ITGB4: variants seen among roughly 807,000 people sequenced by gnomAD.
ITGB4 encodes integrin subunit beta 4, also known as integrin beta-4.
Under a neutral mutation model 207.6 loss-of-function variants are expected in ITGB4, and 159 were observed. The ratio of observed to expected loss-of-function variants is 0.77; its 90% CI spans 0.67 to 0.87. The LOEUF (loss-of-function observed/expected upper bound fraction) is 0.87, where lower values mean the gene tolerates loss of function less well. ITGB4 is among the 40% of genes least tolerant of loss of function. The probability of loss-of-function intolerance (pLI) is 0.00; values close to 1 mark genes in which losing one functional copy is unlikely to be tolerated. For synonymous variants in ITGB4, 1,020 were observed against 1,062.7 expected (o/e 0.96, Z 0.78); for missense variants, 2,278 against 2,546.8 (o/e 0.89, Z 2.27).
At chr17:75,736,214 A>C in intron 14 of ITGB4, 60 bp downstream of exon 14, 1 of 1,594,576 alleles carries the variant, frequency 6.3e-7, no homozygotes, top group South Asian at 1.1e-5. Flanking sequence ...TCCAGAGAGA[A>C]CCCTATGGAG....
chr17:75,724,023 G>T (rs964375875), intron 1 of ITGB4, among the ~76,000 whole-genome samples: 1 of 152,206 alleles, frequency 6.6e-6, no homozygotes, highest in Non-Finnish European at 1.5e-5. Flanking sequence ...TCTCACTCTG[G>T]GCTAACTTGT....
Position 75,742,501 on chromosome 17 carries a change from G to A in ITGB4, c.2782+12G>A, listed in dbSNP as rs371412530. The A allele has an allele frequency of 1.2e-6, 2 of 1,612,916 alleles. No homozygotes were observed. The highest frequency in any genetic ancestry group is 2.7e-5 in the African/African-American group (2 of 74,922). On this transcript the variant is annotated intron_variant, in intron 24 of 39. Transcript: ENST00000200181. The surrounding 1 kb of genome is among the most constrained non-coding windows in gnomAD (Gnocchi z 5.9). Reference sequence around the variant, plus strand: ...CACTGCAGACCAGGGTAGGAGGGCGGGTCCGCTGTGCCACTGCCTCGCACC... The same window carrying A: ...CACTGCAGACCAGGGTAGGAGGGCGAGTCCGCTGTGCCACTGCCTCGCACC...
At position 75,749,039 on chromosome 17, in the gene ITGB4, G is replaced by T. The variant is rs1406738560; in HGVS notation, c.3310G>T (p.Asp1104Tyr). The T allele has an allele frequency of 6.2e-7, 1 of 1,610,318 alleles. No homozygotes were observed. The highest frequency in any genetic ancestry group is 8.5e-7 in the Non-Finnish European group (1 of 1,179,832). The stretch of plus-strand genomic sequence containing the variant: ...CCACTCCACCACCATCATCATCAGG[G>T]ACCCAGGTAGGCAGAGCCTGGGGGT... ...QPHSTTIIIR[D>Y]PDELDRSFTS... The change falls in exon 27 of 40, where the codon GAC becomes TAC. Residue 1104 changes from aspartate to tyrosine, a missense_variant. Transcript: ENST00000200181.
rs767956817 is a variant in ITGB4 at position 75,750,239 on chromosome 17, C to A, written c.3445C>A (p.Pro1149Thr). 5 of 1,613,274 alleles carry A rather than the reference C, an allele frequency of 3.1e-6. No homozygotes were observed. The highest frequency in any genetic ancestry group is 4.2e-6 in the Non-Finnish European group (5 of 1,179,856). Residue 1149 changes from proline (P) to threonine (T), a missense_variant, in exon 28 of 40, where the codon CCC becomes ACC. By Grantham distance (38) the Pro-to-Thr change is conservative. Transcript: ENST00000200181. The surrounding 1 kb of genome is among the most constrained non-coding windows in gnomAD (Gnocchi z 5.5). ...GSRKIHFNWLPPSGKPMGYRV... is the reference protein window; with the variant it reads ...GSRKIHFNWLTPSGKPMGYRV... ...CAGGAAGATCCATTTCAACTGGCTGCCCCCTTCTGGCAAGCCAATGGGGTA... is the reference window on the plus strand; with the variant it reads ...CAGGAAGATCCATTTCAACTGGCTGACCCCTTCTGGCAAGCCAATGGGGTA...
In ITGB4 at chr17:75,733,608, T is replaced by A; in HGVS notation, c.1573T>A (p.Cys525Ser). The change falls in exon 13 of 40, where the codon TGC becomes AGC. Residue 525 changes from cysteine to serine, a missense_variant. Physicochemically the swap from Cys to Ser is moderately radical, Grantham distance 112. Coordinates refer to ENST00000200181, the MANE Select transcript of ITGB4 (RefSeq NM_000213.5). ...GGAGTGCCAGTGCGGGCACTGTGTG[T>A]GCTACGGCGAAGGCCGCTACGAGGG... ...RGECQCGHCV[C>S]YGEGRYEGQF... The A allele has an allele frequency of 3.1e-6, 5 of 1,614,154 alleles. No individual in the cohort carries two copies. The highest frequency in any genetic ancestry group is 3.4e-6 in the Non-Finnish European group (4 of 1,180,030).
rs1568356578 is a variant in ITGB4, at chr17:75,736,132, C to T, written c.1739C>T (p.Ala580Val). The change falls in exon 14 of 40, where the codon GCC becomes GTC. Residue 580 changes from alanine (A) to valine (V), a missense_variant. Transcript: ENST00000200181. ...GPSCDCPLSN[A>V]TCIDSNGGIC... is the part of the protein sequence containing the mutation. ...AGCTGTGACTGTCCCCTCAGCAATG[C>T]CACCTGCATCGACAGCAATGGGGTA... The T allele has an allele frequency of 1.2e-6, 2 of 1,614,152 alleles. No individual in the cohort carries two copies. Among genetic ancestry groups the T allele is most frequent in the South Asian group, 1.1e-5 (1 of 91,086 alleles).
Position 75,751,102 on chromosome 17 carries a change from G to T in ITGB4, c.3784G>T (p.Asp1262Tyr). The change falls in exon 30 of 40, where the codon GAT becomes TAT. Residue 1262 changes from aspartate (D) to tyrosine (Y), a missense_variant. Asp to Tyr is a radical substitution (Grantham distance 160, BLOSUM62 -3). Coordinates refer to ENST00000200181, the MANE Select transcript of ITGB4 (RefSeq NM_000213.5). The part of the protein sequence containing the change: ...AYEVCYGLVN[D>Y]DNRPIGPMKK... ...CGAGGTCTGCTATGGCCTGGTCAAC[G>T]ATGACAACCGTAAGAACCAGATCCT... The T allele has an allele frequency of 6.2e-7, 1 of 1,613,528 alleles. No homozygotes were observed. The highest frequency in any genetic ancestry group is 1.1e-5 in the South Asian group (1 of 91,084).
intron 27 of ITGB4, among the ~76,000 whole-genome samples, chr17:75,749,333 G>C (rs1007383899): frequency 2.6e-5 from 4 of 152,002 alleles, no homozygotes; most frequent in Non-Finnish European, 4.4e-5. Flanking sequence ...TTCTAGACCA[G>C]CCTGGGCAAC....
chr17:75,737,615 C>T lies in ITGB4; in HGVS notation c.2191C>T (p.Leu731=), dbSNP rs2061011071. The part of the protein sequence containing the change: ...LLPLLALLLL[L]CWKYCACCKA... The stretch of plus-strand genomic sequence containing the variant: ...GCCGCTCCTGGCCCTGCTACTGCTG[C>T]TATGCTGGAAGTACTGTGCCTGCTG... The change falls in exon 18 of 40, where the codon CTA becomes TTA. Residue 731 remains leucine (L), a synonymous_variant. Transcript: ENST00000200181. 1.2e-6 allele frequency: 2 copies of T among 1,613,258 alleles called. No homozygotes were observed. Among genetic ancestry groups the T allele is most frequent in the South Asian group, 1.1e-5 (1 of 91,034 alleles).
chr17:75,737,447 G>A lies in ITGB4; in HGVS notation c.2113+3G>A, dbSNP rs1442792899. ...TGTCCTGGTGCACAAGAAGAAGGGT[G>A]AGCTGGTGGGGCCGGGCGCAGGGAG... On this transcript the variant is annotated splice_donor_region_variant and intron_variant, in intron 17 of 39. Transcript: ENST00000200181. The A allele has an allele frequency of 6.4e-7, 1 of 1,554,112 alleles. No homozygotes were observed. The highest frequency in any genetic ancestry group is 1.2e-5 in the South Asian group (1 of 84,300).
chr17:75,728,065 G>A (rs531675859), intron 5 of ITGB4, among the ~76,000 whole-genome samples: 6 of 152,292 alleles, frequency 3.9e-5, no homozygotes, highest in African/African-American at 1.4e-4. Flanking sequence ...CAGGGCAGGC[G>A]GGCAGTGGAG....
rs750407691 is a variant in ITGB4 at position 75,731,848 on chromosome 17, G to C, written c.1252G>C (p.Val418Leu). 1 of 1,611,864 alleles carries C rather than the reference G, an allele frequency of 6.2e-7. No individual in the cohort carries two copies. The highest frequency in any genetic ancestry group is 1.1e-5 in the South Asian group (1 of 90,646). ...GGTGCAGCTGCGGGCCCTTGAGCAC[G>C]TGGATGGGACGCACGTGTGCCAGCT... ...YQVQLRALEH[V>L]DGTHVCQLPE... The change falls in exon 11 of 40, where the codon GTG becomes CTG. Residue 418 changes from valine to leucine, a missense_variant. Val to Leu is a conservative substitution (Grantham distance 32). Coordinates refer to ENST00000200181, the MANE Select transcript of ITGB4 (RefSeq NM_000213.5). The surrounding 1 kb of genome is among the most constrained non-coding windows in gnomAD (Gnocchi z 6.8).
rs200842872 is a variant in ITGB4, at chr17:75,736,003, A to G, written c.1658-48A>G. On this transcript the variant is annotated intron_variant, in intron 13 of 39. Coordinates refer to ENST00000200181, the MANE Select transcript of ITGB4 (RefSeq NM_000213.5). ...CCCTGCCAGGTGGGCAGCCTGGACT[A>G]CAGGCACAGATGTAGCTCTCATCTC... 45 of 1,575,282 alleles carry G rather than the reference A, an allele frequency of 2.9e-5. No homozygotes were observed. In the Admixed American group the frequency reaches 5.7e-4, roughly 20 times the overall value.
chr17:75,725,918 T>C (rs548183593), intron 2 of ITGB4, among the ~76,000 whole-genome samples: 1 of 152,310 alleles, frequency 6.6e-6, no homozygotes, highest in African/African-American at 2.4e-5. Flanking sequence ...AGGAGGTACC[T>C]GAAAAGGGTG....
Position 75,757,095 on chromosome 17 carries a change from T to C in ITGB4, c.5206T>C (p.Ser1736Pro). ...GCGCGAGGGCATCATCACCATAGAGTCCCAGGATGGAGGTAGGCACCTGTC... is the reference window on the plus strand; with the variant it reads ...GCGCGAGGGCATCATCACCATAGAGCCCCAGGATGGAGGTAGGCACCTGTC... Reference protein sequence around the residue: ...PEREGIITIESQDGGPFPQLG... With the variant: ...PEREGIITIEPQDGGPFPQLG... Residue 1736 changes from serine (S) to proline (P), a missense_variant, in exon 38 of 40, where the codon TCC becomes CCC. Transcript: ENST00000200181. 1 of 1,611,250 alleles carries C rather than the reference T, an allele frequency of 6.2e-7. No homozygotes were observed. Among genetic ancestry groups the C allele is most frequent in the Non-Finnish European group, 8.5e-7 (1 of 1,179,642 alleles).
intron 25 of ITGB4, among the ~76,000 whole-genome samples, chr17:75,743,157 C>T (rs1224630452): frequency 1.3e-5 from 2 of 152,128 alleles, no homozygotes; most frequent in Non-Finnish European, 2.9e-5. Context: ...AAGGCTCCAT[C>T]TCTGGTCCTG....
intron 1 of ITGB4, among the ~76,000 whole-genome samples, chr17:75,724,021 T>C (rs1362237216): frequency 2.6e-5 from 4 of 152,232 alleles, no homozygotes; most frequent in Non-Finnish European, 2.9e-5. Flanking sequence ...TGTCTCACTC[T>C]GGGCTAACTT....
chr17:75,729,491 A>G lies in ITGB4; in HGVS notation c.738+55A>G. ...AGGCCAGGGGTGAGCACTTCTGGGC[A>G]AGGGCCTGAGCTGCCCCCTGGCCTG... On this transcript the variant is annotated intron_variant, in intron 7 of 39. Transcript: ENST00000200181. This position sits in a 1 kb window ranked among gnomAD's most constrained non-coding sequence, Gnocchi z 4.4. The G allele has an allele frequency of 6.3e-7, 1 of 1,582,190 alleles. No homozygotes were observed.
In ITGB4 at chr17:75,740,806, A is replaced by T; in HGVS notation, c.2564A>T (p.Tyr855Phe). 7 of 1,613,318 alleles carry T rather than the reference A, an allele frequency of 4.3e-6. No individual in the cohort carries two copies. Among genetic ancestry groups the T allele is most frequent in the Middle Eastern group, 1.8e-4 (1 of 5,540 alleles). Residue 855 changes from tyrosine (Y) to phenylalanine (F), a missense_variant, in exon 22 of 40, where the codon TAC becomes TTC. By Grantham distance (22) the Tyr-to-Phe change is conservative. Transcript: ENST00000200181. This position sits in a 1 kb window ranked among gnomAD's most constrained non-coding sequence, Gnocchi z 5.9. ...QEVEENLNEV[Y>F]RQISGVHKLQ... ...CTTGCCTGGCAGCTGAACGAGGTCT[A>T]CAGGCAGATCTCCGGTGTACACAAG...
Sources: gnomAD v4.1 joint callset for allele counts (sites outside exome capture counted in the v4.1 genomes callset) on GRCh38, gnomAD v4.1.1 for gene constraint, Gnocchi (gnomAD v3.1) non-coding constraint, MANE v1.5 for transcripts, NCBI Gene and HGNC (gene_info 2026-07-23, HGNC 2026-07-21) for gene names.